Variants in ALK observed in about 807,000 individuals in gnomAD.
ALK encodes the protein ALK tyrosine kinase receptor.
Under a neutral mutation model 163.1 loss-of-function variants are expected in ALK, and 74 were observed. The ratio of observed to expected loss-of-function variants is 0.45; its 90% CI spans 0.38 to 0.55. ALK has a LOEUF of 0.55. ALK is among the 20% of genes least tolerant of loss of function. The pLI is 0.00. For synonymous variants in ALK, 960 were observed against 843.2 expected (o/e 1.14, Z -2.40); for missense variants, 2,063 against 2,105.3 (o/e 0.98, Z 0.39).
At chr2:29,660,458 C>T (rs1355765548) in intron 3 of ALK, among the ~76,000 whole-genome samples, 1 of 152,088 alleles carries the variant, frequency 6.6e-6, no homozygotes, top group Non-Finnish European at 1.5e-5. Flanking sequence ...GGGGACAAGG[C>T]CAGCCCCTGG....
chr2:29,432,209 G>A (rs1242916402), intron 4 of ALK, among the ~76,000 whole-genome samples: 3 of 152,146 alleles, frequency 2.0e-5, no homozygotes, highest in Non-Finnish European at 4.4e-5. Context: ...GGTGGTCGTA[G>A]TGGAAGGTGT....
intron 1 of ALK, among the ~76,000 whole-genome samples, chr2:29,734,828 A>G (rs1347059318): frequency 6.6e-6 from 1 of 152,080 alleles, no homozygotes. Flanking sequence ...AATTTAATAG[A>G]TATTTTGGTA....
intron 26 of ALK, among the ~76,000 whole-genome samples, chr2:29,201,765 C>T (rs968901104): frequency 1.4e-5 from 2 of 143,672 alleles, no homozygotes; most frequent in African/African-American, 5.4e-5. Flanking sequence ...CCAGCCGGGG[C>T]GACAGAATGA....
intron 4 of ALK, among the ~76,000 whole-genome samples, chr2:29,499,937 A>G (rs1428632865): frequency 1.3e-5 from 2 of 151,950 alleles, no homozygotes; most frequent in Non-Finnish European, 1.5e-5. Flanking sequence ...TTCATGGAAC[A>G]CTTGTCCCCA....
chr2:29,647,399 C>A (rs1676909556), intron 3 of ALK, among the ~76,000 whole-genome samples: 1 of 152,114 alleles, frequency 6.6e-6, no homozygotes, highest in Admixed American at 6.5e-5. Context: ...CCTGTTAGGT[C>A]ACTTGCATCA....
At chr2:29,657,618 A>T (rs935822069) in intron 3 of ALK, among the ~76,000 whole-genome samples, 2 of 152,196 alleles carry the variant, frequency 1.3e-5, no homozygotes, top group Non-Finnish European at 2.9e-5. Flanking sequence ...CAAGAAAAAC[A>T]CAGTGGGTAG....
chr2:29,814,093 C>T (rs1404071060), intron 1 of ALK, among the ~76,000 whole-genome samples: 2 of 152,178 alleles, frequency 1.3e-5, no homozygotes. Context: ...AGACTCAGGT[C>T]CCTGGAAGAA....
chr2:29,813,037 T>C (rs896044665), intron 1 of ALK, among the ~76,000 whole-genome samples: 1 of 152,202 alleles, frequency 6.6e-6, no homozygotes, highest in African/African-American at 2.4e-5. Flanking sequence ...TGACAGATTG[T>C]GAAGCATGAT....
At chr2:29,505,448 C>T (rs1174868915) in intron 4 of ALK, among the ~76,000 whole-genome samples, 5 of 152,236 alleles carry the variant, frequency 3.3e-5, no homozygotes, top group Admixed American at 2.6e-4. Context: ...CTTCAAATGC[C>T]AGGTGGAAGT....
rs911606423 is a variant in ALK, at chr2:29,521,635, C to T, written c.1154+10280G>A. Among the ~76,000 whole-genome samples, 23 of 152,104 alleles carry T rather than the reference C, an allele frequency of 1.5e-4. 1 individual carries two copies. The highest frequency in any genetic ancestry group is 3.2e-4 in the Non-Finnish European group (22 of 68,032). ...GGAAAAGGCAAACTTAGAAACAGGCCAAGTAATGAGAAAGAAGGAGGTTTG... is the reference window on the plus strand; with the variant it reads ...GGAAAAGGCAAACTTAGAAACAGGCTAAGTAATGAGAAAGAAGGAGGTTTG... On this transcript the variant is annotated intron_variant, in intron 4 of 28. Transcript: ENST00000389048.
chr2:29,555,706 G>C (rs759010295), intron 3 of ALK, among the ~76,000 whole-genome samples: 4 of 152,174 alleles, frequency 2.6e-5, no homozygotes, highest in Non-Finnish European at 5.9e-5. Context: ...GATACAGCTG[G>C]TATCTTGCAT....
At chr2:29,514,447 C>G (rs1396576649) in intron 4 of ALK, among the ~76,000 whole-genome samples, 3 of 152,088 alleles carry the variant, frequency 2.0e-5, no homozygotes, top group Non-Finnish European at 4.4e-5. Flanking sequence ...GGGAATTGAA[C>G]AATGAGAATT....
intron 1 of ALK, among the ~76,000 whole-genome samples, chr2:29,750,022 A>G (rs904801287): frequency 1.3e-5 from 2 of 152,244 alleles, no homozygotes; most frequent in Non-Finnish European, 2.9e-5. Context: ...GGAACAGCCT[A>G]GAGATGCATT....
chr2:29,727,150 C>T (rs551525923), intron 1 of ALK, among the ~76,000 whole-genome samples: 1 of 152,328 alleles, frequency 6.6e-6, no homozygotes, highest in South Asian at 2.1e-4. Flanking sequence ...GGGTCTCAGG[C>T]TCAGCCACGA....
chr2:29,624,615 G>A (rs568506591), intron 3 of ALK, among the ~76,000 whole-genome samples: 5 of 152,286 alleles, frequency 3.3e-5, no homozygotes, highest in African/African-American at 1.2e-4. Flanking sequence ...GGGAGGGAGA[G>A]CATCAGGAAG....
chr2:29,363,484 A>T (rs897949565), intron 5 of ALK, among the ~76,000 whole-genome samples: 3 of 152,168 alleles, frequency 2.0e-5, no homozygotes, highest in Non-Finnish European at 4.4e-5. Flanking sequence ...TCACACCCTC[A>T]TGAGAGCTCT....
At chr2:29,203,804 C>T (rs557844963) in intron 26 of ALK, among the ~76,000 whole-genome samples, 2 of 151,718 alleles carry the variant, frequency 1.3e-5, no homozygotes, top group African/African-American at 4.8e-5. Flanking sequence ...CCTTTTTCCC[C>T]ATGGTGATTG....
intron 4 of ALK, among the ~76,000 whole-genome samples, chr2:29,421,879 C>T (rs1295134078): frequency 1.3e-5 from 2 of 151,678 alleles, no homozygotes; most frequent in Non-Finnish European, 2.9e-5. Flanking sequence ...CTCTACAGAA[C>T]ACCCCACTGT....
chr2:29,615,956 A>G (rs575712946), intron 3 of ALK, among the ~76,000 whole-genome samples: 20 of 152,240 alleles, frequency 1.3e-4, no homozygotes, highest in Non-Finnish European at 2.6e-4. Flanking sequence ...AATCTCATTT[A>G]GTGTTTGGCT....
Sources: allele counts gnomAD v4.1 joint callset (sites outside exome capture counted in the v4.1 genomes callset), GRCh38; gene constraint gnomAD v4.1.1; transcripts MANE v1.5; gene names NCBI Gene and HGNC (gene_info 2026-07-23, HGNC 2026-07-21).